Variants in TAF4 observed in about 807,000 individuals in gnomAD.
The protein encoded by TAF4 is TATA-box binding protein associated factor 4.
A neutral mutation model predicts 90.3 loss-of-function variants in TAF4; 9 were observed. That is an observed-to-expected ratio of 0.10 (90% CI 0.06 to 0.17). The LOEUF is 0.17. TAF4 is among the 10% of genes least tolerant of loss of function. The probability of loss-of-function intolerance (pLI) is 1.00; values close to 1 mark genes in which losing one functional copy is unlikely to be tolerated. For missense variants in TAF4, 1,351 were observed against 1,370.7 expected, an observed-to-expected ratio of 0.99 and a Z score of 0.23; for synonymous variants, 818 against 638.9, an observed-to-expected ratio of 1.28 and a Z score of -4.23.
rs1417729850 is a variant in TAF4 at position 62,000,785 on chromosome 20, T to C, written c.2487-64A>G. The C allele has an allele frequency of 5.7e-6, 9 of 1,587,012 alleles. No homozygotes were observed. The Admixed American group carries it at 1.2e-4, about 21-fold the overall frequency. The stretch of plus-strand genomic sequence containing the variant: ...GAATTCATCGGGAGGTGGGCTGGGG[T>C]GGTAAGGGCAGGAAACCCCACGTGG... On this transcript the variant is annotated intron_variant, in intron 9 of 14. Transcript: ENST00000252996.
intron 14 of TAF4, among the ~76,000 whole-genome samples, chr20:61,985,738 G>A (rs1044858801): frequency 4.6e-5 from 7 of 151,488 alleles, no homozygotes; most frequent in South Asian, 2.1e-4. Context: ...GAGGAGAAGT[G>A]AGAAGGCCGC....
At chr20:62,014,493 GGAGA>G in intron 2 of TAF4, 50 bp downstream of exon 2, 1 of 1,533,866 alleles carries the variant, frequency 6.5e-7, no homozygotes, top group Non-Finnish European at 8.8e-7. Flanking sequence ...GCATGCGTGG[GGAGA>G]GGGGCTGGGC....
intron 14 of TAF4, among the ~76,000 whole-genome samples, chr20:61,986,330 CCATCAAAGGA>C (rs2055592290): frequency 4.5e-5 from 5 of 112,116 alleles, no homozygotes; most frequent in Non-Finnish European, 7.4e-5. Context: ...ACACCATCCC[CCATCAAAGGA>C]AACACCATCC....
chr20:61,996,338 G>A (rs557834546), intron 14 of TAF4, among the ~76,000 whole-genome samples: 22 of 151,898 alleles, frequency 1.4e-4, no homozygotes, highest in African/African-American at 4.8e-4. Context: ...AGCCATGATC[G>A]TACCACTGCA....
At chr20:62,033,919 G>A (rs1363815401) in intron 1 of TAF4, among the ~76,000 whole-genome samples, 2 of 151,136 alleles carry the variant, frequency 1.3e-5, no homozygotes, top group African/African-American at 4.9e-5. Context: ...GCAGGCGCCT[G>A]TAGTCCCTAC....
chr20:61,976,964 G>A (rs1304728427), intron 14 of TAF4, among the ~76,000 whole-genome samples: 2 of 152,238 alleles, frequency 1.3e-5, no homozygotes, highest in African/African-American at 4.8e-5. Context: ...AAGCATAGCT[G>A]CTGCGTGCCA....
chr20:62,009,288 A>C, intron 4 of TAF4, 114 bp from the exon 5 acceptor site: 1 of 1,138,394 alleles, frequency 8.8e-7, no homozygotes, highest in Non-Finnish European at 1.2e-6. Flanking sequence ...TCTTCTCTAA[A>C]CTTCTTTCAA....
At chr20:62,059,542 G>A (rs2056078316) in intron 1 of TAF4, among the ~76,000 whole-genome samples, 1 of 152,238 alleles carries the variant, frequency 6.6e-6, no homozygotes, top group African/African-American at 2.4e-5. Flanking sequence ...GGCCCACCTG[G>A]AAGCAGAAGC....
At chr20:62,050,932 G>T (rs1342764986) in intron 1 of TAF4, among the ~76,000 whole-genome samples, 1 of 152,082 alleles carries the variant, frequency 6.6e-6, no homozygotes, top group Non-Finnish European at 1.5e-5. Flanking sequence ...GGGCACTGGG[G>T]AATCAGTGGA....
chr20:61,988,469 T>C (rs1295136110), intron 14 of TAF4, among the ~76,000 whole-genome samples: 1 of 152,112 alleles, frequency 6.6e-6, no homozygotes, highest in Admixed American at 6.5e-5. Flanking sequence ...CTAAACTGGG[T>C]GAGGGGTAGA....
rs1286458316 is a variant in TAF4 at position 62,065,414 on chromosome 20, T to A, written c.397A>T (p.Ser133Cys). ...GGCACCGGGGCGCAGGACCCCGCGCTGCCCTCGGGCGGCGGCCTCAGCTTC... is the reference window on the plus strand; with the variant it reads ...GGCACCGGGGCGCAGGACCCCGCGCAGCCCTCGGGCGGCGGCCTCAGCTTC... ...AAKLRPPPEGSAGSCAPVPAA... is the reference protein window; with the variant it reads ...AAKLRPPPEGCAGSCAPVPAA... Residue 133 changes from serine (S) to cysteine (C), a missense_variant, in exon 1 of 15, where the codon AGC becomes TGC. Around this residue, in one of 9 missense-constraint regions of TAF4, gnomAD observed 782 missense variants for 536.6 expected, o/e 1.46. Transcript: ENST00000252996. 1.4e-3 allele frequency: 1,377 copies of A among 969,958 alleles called. 8 individuals carry two copies. Among genetic ancestry groups the A allele is most frequent in the Middle Eastern group, 3.8e-3 (7 of 1,856 alleles). 60.1% of individuals were successfully genotyped at this position (969,958 alleles called of 1,614,324 possible).
At chr20:61,987,382 T>C (rs2055599451) in intron 14 of TAF4, among the ~76,000 whole-genome samples, 2 of 152,118 alleles carry the variant, frequency 1.3e-5, no homozygotes, top group Admixed American at 1.3e-4. Context: ...CTGGTAAGAA[T>C]CGAATAAGGA....
chr20:62,003,580 A>G (rs1250250849), intron 8 of TAF4, 151 bp downstream of exon 8: 4 of 872,500 alleles, frequency 4.6e-6, no homozygotes, highest in Non-Finnish European at 6.8e-6. Flanking sequence ...TACACAACAC[A>G]GTAAATGAAA....
chr20:62,023,842 G>C (rs1405147825), intron 1 of TAF4, among the ~76,000 whole-genome samples: 1 of 151,904 alleles, frequency 6.6e-6, no homozygotes, highest in East Asian at 1.9e-4. Flanking sequence ...CAGCACTCTG[G>C]GAGGCCAAGG....
chr20:62,050,675 C>A (rs373540648), intron 1 of TAF4, among the ~76,000 whole-genome samples: 5 of 152,222 alleles, frequency 3.3e-5, no homozygotes, highest in African/African-American at 9.6e-5. Context: ...AGCAGAGGCC[C>A]GCCCGGGAGG....
chr20:62,035,491 A>T (rs898339874), intron 1 of TAF4, among the ~76,000 whole-genome samples: 22 of 152,374 alleles, frequency 1.4e-4, no homozygotes, highest in Admixed American at 3.3e-4. Context: ...TAACACCAGG[A>T]CAACTGTCAA....
At chr20:62,017,884 A>C (rs1166129656) in intron 1 of TAF4, among the ~76,000 whole-genome samples, 1 of 149,672 alleles carries the variant, frequency 6.7e-6, no homozygotes, top group Admixed American at 6.7e-5. Flanking sequence ...GAATACGTTC[A>C]AAAAAAAAAG....
intron 12 of TAF4, 56 bp from the exon 13 acceptor site, chr20:61,998,248 T>C (rs2055675809): frequency 6.5e-7 from 1 of 1,550,202 alleles, no homozygotes; most frequent in Non-Finnish European, 8.8e-7. Flanking sequence ...TGTTTATCAT[T>C]TAACAAATGT....
intron 1 of TAF4, among the ~76,000 whole-genome samples, chr20:62,026,724 C>T (rs1167450914): frequency 2.0e-5 from 3 of 152,320 alleles, no homozygotes; most frequent in East Asian, 1.9e-4. Context: ...AGCTCTGCTC[C>T]GCAGGCAGAA....
Sources: allele counts gnomAD v4.1 joint callset (sites outside exome capture counted in the v4.1 genomes callset), GRCh38; gene constraint gnomAD v4.1.1; regional missense constraint gnomAD v4.1.1; transcripts MANE v1.5; gene names NCBI Gene and HGNC (gene_info 2026-07-23, HGNC 2026-07-21).